The following SUGCT variants were observed in gnomAD, a reference collection of about 807,000 sequenced individuals.
SUGCT encodes the protein succinyl-CoA:glutarate-CoA transferase, also known as succinyl-CoA:glutarate CoA-transferase.
In SUGCT, 41 loss-of-function variants were observed where a neutral mutation model predicts 55.0. That is an observed-to-expected ratio of 0.74 (90% CI 0.58 to 0.97). The LOEUF (loss-of-function observed/expected upper bound fraction) is 0.97. Among genes scored for constraint, SUGCT ranks in the 50% least tolerant of loss-of-function variants. The pLI is 0.00. For synonymous variants in SUGCT, 187 were observed against 200.4 expected (o/e 0.93, Z 0.56); for missense variants, 568 against 547.8 (o/e 1.04, Z -0.37).
chr7:40,508,887 CA>C (rs750501340), intron 12 of SUGCT, among the ~76,000 whole-genome samples: 36 of 152,040 alleles, frequency 2.4e-4, no homozygotes, highest in Non-Finnish European at 4.9e-4. Flanking sequence ...ATTCTCTTTC[CA>C]GTTATTTCCT....
At chr7:40,760,317 C>G (rs1788467663) in intron 13 of SUGCT, among the ~76,000 whole-genome samples, 1 of 152,136 alleles carries the variant, frequency 6.6e-6, no homozygotes, top group African/African-American at 2.4e-5. Context: ...GTGGTTGATA[C>G]TATGGCCAGA....
intron 6 of SUGCT, among the ~76,000 whole-genome samples, chr7:40,219,673 A>G (rs1787913944): frequency 6.6e-6 from 1 of 152,006 alleles, no homozygotes; most frequent in Non-Finnish European, 1.5e-5. Flanking sequence ...AGGGGTGGTG[A>G]CTCTTCTGTT....
chr7:40,394,195 C>T (rs991767020), intron 9 of SUGCT, among the ~76,000 whole-genome samples: 13 of 151,946 alleles, frequency 8.6e-5, no homozygotes, highest in African/African-American at 2.9e-4. Context: ...ATAATGATGC[C>T]GAAGTCACTC....
At chr7:40,701,261 A>T (rs1785159628) in intron 12 of SUGCT, among the ~76,000 whole-genome samples, 1 of 152,148 alleles carries the variant, frequency 6.6e-6, no homozygotes, top group Non-Finnish European at 1.5e-5. Flanking sequence ...CCATCTTTTA[A>T]TGTGGCTTTG....
chr7:40,769,265 G>T (rs1584411544), intron 13 of SUGCT, among the ~76,000 whole-genome samples: 1 of 152,184 alleles, frequency 6.6e-6, no homozygotes, highest in Non-Finnish European at 1.5e-5. Context: ...GACTGAGTTA[G>T]AAGCAAAATT....
intron 11 of SUGCT, among the ~76,000 whole-genome samples, chr7:40,493,038 AAC>A (rs1487715447): frequency 5.3e-5 from 8 of 152,182 alleles, no homozygotes; most frequent in Admixed American, 5.2e-4. Flanking sequence ...GCAAAAAATG[AAC>A]AGTTTCACCT....
At chr7:40,307,848 A>G (rs1794921157) in intron 8 of SUGCT, among the ~76,000 whole-genome samples, 1 of 152,206 alleles carries the variant, frequency 6.6e-6, no homozygotes, top group South Asian at 2.1e-4. Context: ...GAGAAAGTGA[A>G]GCAAGTTAAA....
intron 13 of SUGCT, among the ~76,000 whole-genome samples, chr7:40,813,644 C>T (rs143812644): frequency 6.6e-6 from 1 of 152,140 alleles, no homozygotes; most frequent in Non-Finnish European, 1.5e-5. Flanking sequence ...CTCTTGATGA[C>T]AATAGATGGA....
chr7:40,144,487 C>T (rs1323912496), intron 1 of SUGCT, among the ~76,000 whole-genome samples: 1 of 152,076 alleles, frequency 6.6e-6, no homozygotes, highest in Non-Finnish European at 1.5e-5. Flanking sequence ...ACTGTAAGAA[C>T]AGCAGTCTTG....
intron 12 of SUGCT, among the ~76,000 whole-genome samples, chr7:40,531,635 A>T (rs1794093223): frequency 6.6e-6 from 1 of 151,816 alleles, no homozygotes; most frequent in African/African-American, 2.4e-5. Context: ...TGTATTGAGT[A>T]TGAGACAAAT....
At chr7:40,272,113 G>GTTTCAAAAACAA (rs1562633477) in intron 7 of SUGCT, among the ~76,000 whole-genome samples, 1 of 93,174 alleles carries the variant, frequency 1.1e-5, no homozygotes, top group Non-Finnish European at 2.0e-5. Flanking sequence ...ATATATATAT[G>GTTTCAAAAACAA]GATGTTTCAA....
intron 6 of SUGCT, among the ~76,000 whole-genome samples, chr7:40,231,396 A>G: frequency 6.6e-6 from 1 of 152,190 alleles, no homozygotes; most frequent in East Asian, 1.9e-4. Flanking sequence ...TAGAGGAGAG[A>G]GATATCCATC....
At chr7:40,539,668 A>G (rs1445717165) in intron 12 of SUGCT, 1 of 152,198 alleles carries the variant, frequency 6.6e-6, no homozygotes, top group African/African-American at 2.4e-5. Flanking sequence ...AATGTTAGGG[A>G]GAATCTTCTG....
At chr7:40,292,133 A>G (rs1793824234) in intron 8 of SUGCT, among the ~76,000 whole-genome samples, 1 of 152,238 alleles carries the variant, frequency 6.6e-6, no homozygotes, top group South Asian at 2.1e-4. Flanking sequence ...TTGGTTTTAT[A>G]TACCATATGT....
At chr7:40,950,886 G>A in the SUGCT span, among the ~76,000 whole-genome samples, 83 of 152,214 alleles carry the variant, frequency 5.5e-4, no homozygotes, top group African/African-American at 1.4e-3. Flanking sequence ...TTTTTGCATC[G>A]ATGTTCATCG....
At chr7:40,908,601 A>G in the SUGCT span, among the ~76,000 whole-genome samples, 12 of 152,286 alleles carry the variant, frequency 7.9e-5, no homozygotes, top group African/African-American at 2.2e-4. Flanking sequence ...TAACATTTGC[A>G]TAGGCTTTGA....
chr7:40,718,886 C>T (rs1419285393), intron 12 of SUGCT, among the ~76,000 whole-genome samples: 1 of 152,040 alleles, frequency 6.6e-6, no homozygotes, highest in Admixed American at 6.6e-5. Context: ...TTCCCACAGA[C>T]TATATGATAT....
chr7:40,656,416 G>A (rs1301708111), intron 12 of SUGCT, among the ~76,000 whole-genome samples: 3 of 152,116 alleles, frequency 2.0e-5, no homozygotes, highest in Non-Finnish European at 4.4e-5. Flanking sequence ...ATGATGAGAA[G>A]CAAATAGATC....
At chr7:40,477,354 T>A (rs918425457) in intron 11 of SUGCT, among the ~76,000 whole-genome samples, 11 of 151,872 alleles carry the variant, frequency 7.2e-5, no homozygotes, top group African/African-American at 2.7e-4. Flanking sequence ...GGAGTTGGAG[T>A]CTTATTTAGA....
Sources: gnomAD v4.1 joint callset for allele counts (sites outside exome capture counted in the v4.1 genomes callset) on GRCh38, gnomAD v4.1.1 for gene constraint, MANE v1.5 for transcripts, NCBI Gene and HGNC (gene_info 2026-07-23, HGNC 2026-07-21) for gene names.